The following ZNF23 variants were observed in gnomAD, a reference collection of about 807,000 sequenced individuals.
ZNF23 encodes the protein kruppel-like zinc finger factor X31.
Under a neutral mutation model 56.2 loss-of-function variants are expected in ZNF23, and 48 were observed. The observed-to-expected ratio is 0.85, with a 90% confidence interval of 0.68 to 1.09. The LOEUF (loss-of-function observed/expected upper bound fraction) is 1.09, where lower values mean the gene tolerates loss of function less well. ZNF23 is among the 50% of genes least tolerant of loss of function. ZNF23 has a pLI of 0.00. For missense variants in ZNF23, 805 were observed against 811.4 expected, an observed-to-expected ratio of 0.99 and a Z score of 0.10; for synonymous variants, 266 against 283.3, an observed-to-expected ratio of 0.94 and a Z score of 0.61.
At chr16:71,454,297 G>C in intron 2 of ZNF23, 129 bp from the exon 3 acceptor site, 1 of 1,253,126 alleles carries the variant, frequency 8.0e-7, no homozygotes, top group Non-Finnish European at 1.1e-6. Context: ...AACAACAAGG[G>C]GAAGATCTCA....
chr16:71,453,531 C>G, intron 3 of ZNF23, 181 bp from the exon 4 acceptor site: 1 of 552,258 alleles, frequency 1.8e-6, no homozygotes, highest in Non-Finnish European at 3.2e-6. Context: ...ACCTTGGAGA[C>G]TTCCAAGGGC....
rs183392352 is a variant in ZNF23, at chr16:71,450,399, T to C, written c.269-514A>G. ...CACTGTGCCTAATACAAGGCCACTGTAGAGAACATAACCAATCACATGAAG... is the reference window on the plus strand; with the variant it reads ...CACTGTGCCTAATACAAGGCCACTGCAGAGAACATAACCAATCACATGAAG... On this transcript the variant is annotated intron_variant, in intron 4 of 4. Coordinates refer to ENST00000647773, the MANE Select transcript of ZNF23 (RefSeq NM_001381984.1). The C allele has an allele frequency of 2.7e-5, 5 of 186,546 alleles. No individual in the cohort carries two copies. The East Asian group carries it at 9.0e-4, about 34-fold the overall frequency. The allele number at this position is 186,546 out of a possible 1,614,324, so 11.6% of individuals were successfully genotyped here. A position where few individuals can be genotyped will look rare whatever the true frequency, so the allele number is the denominator to read the frequency against.
In ZNF23 at chr16:71,459,546, G is replaced by A. The variant is rs2043365638; in HGVS notation, c.-33+2664C>T. ...AAAGGCTTTTTTCCCACCTTCTTGAGGTTGCATGACTTATTCATTTATTTT... is the reference window on the plus strand; with the variant it reads ...AAAGGCTTTTTTCCCACCTTCTTGAAGTTGCATGACTTATTCATTTATTTT... On this transcript the variant is annotated intron_variant, in intron 1 of 4. Coordinates refer to ENST00000647773, the MANE Select transcript of ZNF23 (RefSeq NM_001381984.1). 2.0e-5 allele frequency among the ~76,000 whole-genome samples: 3 copies of A among 152,288 alleles called. No homozygotes were observed. In the South Asian group the frequency reaches 6.2e-4, roughly 32 times the overall value.
chr16:71,454,348 T>G, intron 2 of ZNF23, 180 bp from the exon 3 acceptor site: 1 of 784,674 alleles, frequency 1.3e-6, no homozygotes, highest in Non-Finnish European at 1.9e-6. Context: ...AGTATCCACA[T>G]TCTCCCACAG....
rs536256790 is a variant in ZNF23, at chr16:71,453,185, T to G, written c.268+58A>C. 46 of 1,285,010 alleles carry G rather than the reference T, an allele frequency of 3.6e-5. No homozygotes were observed. The African/African-American group carries it at 6.1e-4, about 17-fold the overall frequency. 79.6% of individuals were successfully genotyped at this position (1,285,010 alleles called of 1,614,324 possible). ...CAGTATGTTTATATGTTGCTAAAGCTGGCTTTATGCCTAAAGTGCTAAATT... is the reference window on the plus strand; with the variant it reads ...CAGTATGTTTATATGTTGCTAAAGCGGGCTTTATGCCTAAAGTGCTAAATT... On this transcript the variant is annotated intron_variant, in intron 4 of 4. Transcript: ENST00000647773.
At chr16:71,457,577 TAGCC>T (rs1186996614) in intron 1 of ZNF23, among the ~76,000 whole-genome samples, 2 of 149,272 alleles carry the variant, frequency 1.3e-5, no homozygotes, top group Admixed American at 1.3e-4. Context: ...AAAAAAAAAT[TAGCC>T]AGAGGTGGTG....
rs1434950219 is a variant in ZNF23, at chr16:71,449,357, G to C, written c.797C>G (p.Pro266Arg). The change falls in exon 5 of 5, where the codon CCC (proline) becomes CGC (arginine). Residue 266 changes from proline (P) to arginine (R), a missense_variant. Coordinates refer to ENST00000647773, the MANE Select transcript of ZNF23 (RefSeq NM_001381984.1). The part of the protein sequence containing the change: ...WHQRLHSGEK[P>R]FKCVECGKSF... ...TTTCCCACACTCCACACATTTGAAGGGTTTCTCCCCACTGTGAAGTCTCTG... is the reference window on the plus strand; with the variant it reads ...TTTCCCACACTCCACACATTTGAAGCGTTTCTCCCCACTGTGAAGTCTCTG... 1.2e-6 allele frequency: 2 copies of C among 1,614,136 alleles called. No individual in the cohort carries two copies. Among genetic ancestry groups the C allele is most frequent in the Admixed American group, 3.3e-5 (2 of 60,030 alleles).
In ZNF23 at chr16:71,449,453, GTGT is replaced by G; in HGVS notation, c.698_700del (p.Asn233del). 6.2e-7 allele frequency: 1 copy of G among 1,614,188 alleles called. No homozygotes were observed. Among genetic ancestry groups the G allele is most frequent in the South Asian group, 1.1e-5 (1 of 91,086 alleles). ...CGAACACTGATAAGGCTTTTCCTCA[GTGT>G]TGTTCTCTTGATGTTGAATAAGTTG... On this transcript the variant is annotated inframe_deletion, in exon 5 of 5. Coordinates refer to ENST00000647773, the MANE Select transcript of ZNF23 (RefSeq NM_001381984.1).
chr16:71,459,231 G>T (rs2043349574), intron 1 of ZNF23, among the ~76,000 whole-genome samples: 1 of 152,246 alleles, frequency 6.6e-6, no homozygotes, highest in Non-Finnish European at 1.5e-5. Flanking sequence ...AAGTGCAGAG[G>T]CATTAACACC....
chr16:71,460,813 C>G (rs934295736), intron 1 of ZNF23, among the ~76,000 whole-genome samples: 2 of 152,228 alleles, frequency 1.3e-5, no homozygotes, highest in African/African-American at 4.8e-5. Context: ...TAAAAACTTA[C>G]ACACTAGAGA....
chr16:71,455,271 A>G (rs138545573), intron 2 of ZNF23, among the ~76,000 whole-genome samples: 311 of 152,264 alleles, frequency 2.0e-3, no homozygotes, highest in Non-Finnish European at 3.4e-3. Flanking sequence ...TCACCCTCAC[A>G]AGAAACCTCA....
In ZNF23 at chr16:71,449,682, T is replaced by A; in HGVS notation, c.472A>T (p.Ser158Cys). The A allele has an allele frequency of 6.2e-7, 1 of 1,613,810 alleles. No individual in the cohort carries two copies. The change falls in exon 5 of 5, where the codon AGC becomes TGC. Residue 158 changes from serine to cysteine, a missense_variant. Ser to Cys is a moderately radical substitution (Grantham distance 112). Transcript: ENST00000647773. Reference sequence around the variant, plus strand: ...CTAAAAAAACACTCCTCCACGGGGCTTGTCTCATCTTTCACTGTTCCATCA... The same window carrying A: ...CTAAAAAAACACTCCTCCACGGGGCATGTCTCATCTTTCACTGTTCCATCA... ...TIDGTVKDETSPVEECFFSQS... is the reference protein window; with the variant it reads ...TIDGTVKDETCPVEECFFSQS...
chr16:71,450,014 G>A, intron 4 of ZNF23, 129 bp from the exon 5 acceptor site: 1 of 664,694 alleles, frequency 1.5e-6, no homozygotes, highest in Non-Finnish European at 2.4e-6. Flanking sequence ...AAAAACATAG[G>A]GTTTCTCCAT....
chr16:71,462,178 A>C (rs1481456302), intron 1 of ZNF23, 32 bp downstream of exon 1: 1 of 152,342 alleles, frequency 6.6e-6, no homozygotes, highest in Admixed American at 6.5e-5. Flanking sequence ...GGGACAGGGC[A>C]CGGCACACAG....
chr16:71,456,923 G>T, intron 1 of ZNF23, 95 bp from the exon 2 acceptor site: 1 of 344,184 alleles, frequency 2.9e-6, no homozygotes, highest in Non-Finnish European at 4.1e-6. Context: ...CAGGCAGCTT[G>T]CATCCAAATA....
chr16:71,449,560 G>C lies in ZNF23; in HGVS notation c.594C>G (p.Leu198=). ...CAGAATTAATTATTTCATGCTTCAC[G>C]AGTTTTGTATCAAAGCTGATGGATT... ...LGKSISFDTK[L]VKHEIINSEE... The change falls in exon 5 of 5, where the codon CTC becomes CTG. Residue 198 remains leucine (L), a synonymous_variant. Transcript: ENST00000647773. 1 of 1,614,002 alleles carries C rather than the reference G, an allele frequency of 6.2e-7. No individual in the cohort carries two copies. The highest frequency in any genetic ancestry group is 8.5e-7 in the Non-Finnish European group (1 of 1,180,018).
Position 71,449,499 on chromosome 16 carries a change from G to A in ZNF23, c.655C>T (p.Pro219Ser), listed in dbSNP as rs2042973754. ...RPFKCEELVE[P>S]FRCDSQLIQH... ...ATAAGTTGAGAGTCACACCTAAAGG[G>A]CTCTACTAATTCTTCACATTTGAAA... The change falls in exon 5 of 5, where the codon CCC becomes TCC. Residue 219 changes from proline (P) to serine (S), a missense_variant. Pro to Ser is a moderately conservative substitution (Grantham distance 74). Coordinates refer to ENST00000647773, the MANE Select transcript of ZNF23 (RefSeq NM_001381984.1). 1 of 1,614,118 alleles carries A rather than the reference G, an allele frequency of 6.2e-7. No homozygotes were observed. Among genetic ancestry groups the A allele is most frequent in the Non-Finnish European group, 8.5e-7 (1 of 1,180,028 alleles).
At chr16:71,456,887 T>C (rs777749036) in intron 1 of ZNF23, 59 bp from the exon 2 acceptor site, 24 of 682,520 alleles carry the variant, frequency 3.5e-5, no homozygotes, top group Non-Finnish European at 4.2e-5. Context: ...CAGAGCAACA[T>C]AGCCCCTCAC....
intron 1 of ZNF23, among the ~76,000 whole-genome samples, chr16:71,458,496 T>C (rs2043319502): frequency 6.6e-6 from 1 of 152,232 alleles, no homozygotes; most frequent in African/African-American, 2.4e-5. Flanking sequence ...ACTAAACATT[T>C]ATGCCCCTGC....
Sources: allele counts gnomAD v4.1 joint callset (sites outside exome capture counted in the v4.1 genomes callset), GRCh38; gene constraint gnomAD v4.1.1; transcripts MANE v1.5; gene names NCBI Gene and HGNC (gene_info 2026-07-23, HGNC 2026-07-21).